Variants in CFAP20DC observed in about 807,000 individuals in gnomAD.
CFAP20DC encodes the protein CFAP20 domain containing.
Under a neutral mutation model 101.7 loss-of-function variants are expected in CFAP20DC, and 84 were observed. The ratio of observed to expected loss-of-function variants is 0.83; its 90% CI spans 0.69 to 0.99. CFAP20DC has a LOEUF of 0.99. Among genes scored for constraint, CFAP20DC ranks in the 50% least tolerant of loss-of-function variants. The pLI, the probability that CFAP20DC is intolerant of heterozygous loss-of-function variation, is 0.00. For synonymous variants in CFAP20DC, 359 were observed against 351.2 expected (o/e 1.02, Z -0.25); for missense variants, 1,007 against 970.3 (o/e 1.04, Z -0.50).
intron 14 of CFAP20DC, among the ~76,000 whole-genome samples, chr3:58,811,534 T>C (rs1205377735): frequency 1.3e-4 from 20 of 152,190 alleles, no homozygotes; most frequent in East Asian, 9.6e-4. Context: ...TCCTTCCTTA[T>C]ACCTTATAAA....
At chr3:58,842,427 A>G (rs1397091186) in intron 13 of CFAP20DC, among the ~76,000 whole-genome samples, 2 of 151,864 alleles carry the variant, frequency 1.3e-5, no homozygotes. Context: ...AAATCGGGTC[A>G]CTCCCACCCG....
chr3:58,910,181 T>C (rs1016698822), intron 6 of CFAP20DC, among the ~76,000 whole-genome samples: 2 of 152,140 alleles, frequency 1.3e-5, no homozygotes, highest in Non-Finnish European at 2.9e-5. Flanking sequence ...ATTAAGACTT[T>C]ACTTTTTTGG....
chr3:58,995,887 A>G (rs1333222519), intron 4 of CFAP20DC, among the ~76,000 whole-genome samples: 1 of 152,002 alleles, frequency 6.6e-6, no homozygotes, highest in African/African-American at 2.4e-5. Context: ...GGAACTATCT[A>G]TTGGTTCTTC....
At chr3:58,796,755 C>T (rs1297296691) in intron 15 of CFAP20DC, among the ~76,000 whole-genome samples, 2 of 152,172 alleles carry the variant, frequency 1.3e-5, no homozygotes, top group Non-Finnish European at 2.9e-5. Flanking sequence ...TTATGGCACC[C>T]TGTGTTGAGC....
At chr3:58,720,655 C>G (rs1274597447) in intron 3 of CFAP20DC, among the ~76,000 whole-genome samples, 1 of 152,168 alleles carries the variant, frequency 6.6e-6, no homozygotes, top group African/African-American at 2.4e-5. Flanking sequence ...GGAGGCATTC[C>G]CATGGCTAGG....
rs934130605 is a variant in CFAP20DC, at chr3:58,862,939, A to G, written c.1593+619T>C. On this transcript the variant is annotated intron_variant, in intron 12 of 16. Coordinates refer to ENST00000482387, the MANE Select transcript of CFAP20DC (RefSeq NM_001394063.1). ...TCCAAATTATATTCAGTTTGATTTG[A>G]AACATTTTAAAACTTTTTACGAATT... The G allele has an allele frequency of 1.2e-5, 12 of 970,516 alleles. No homozygotes were observed. In the African/African-American group the frequency reaches 1.9e-4, roughly 16 times the overall value. The allele number at this position is 970,516 out of a possible 1,614,324, so 60.1% of individuals were successfully genotyped here.
chr3:58,793,734 C>T (rs1326642079), intron 15 of CFAP20DC, among the ~76,000 whole-genome samples: 3 of 152,136 alleles, frequency 2.0e-5, no homozygotes, highest in African/African-American at 4.8e-5. Flanking sequence ...AATGTAGTTT[C>T]ATTACCATAA....
At chr3:58,935,747 C>T (rs1332603804) in intron 5 of CFAP20DC, among the ~76,000 whole-genome samples, 1 of 152,176 alleles carries the variant, frequency 6.6e-6, no homozygotes, top group East Asian at 1.9e-4. Context: ...TGGATCCCTT[C>T]CTTACATCTT....
chr3:58,812,197 AT>A (rs1335620192), intron 14 of CFAP20DC, among the ~76,000 whole-genome samples: 2 of 152,160 alleles, frequency 1.3e-5, no homozygotes, highest in East Asian at 3.8e-4. Context: ...CAGCCATCCC[AT>A]TACTGGGTAT....
chr3:58,861,666 C>G lies in CFAP20DC; in HGVS notation c.1593+1892G>C, dbSNP rs1325542033. On this transcript the variant is annotated intron_variant, in intron 12 of 16. Coordinates refer to ENST00000482387, the MANE Select transcript of CFAP20DC (RefSeq NM_001394063.1). This position sits in a 1 kb window ranked among gnomAD's most constrained non-coding sequence, Gnocchi z 4.0. ...TGTATCTCGTTAGTCTCTGTACCAG[C>G]AAACCCCAAAGCTTGATAATGTGGC... The G allele has an allele frequency of 1.0e-6, 1 of 985,306 alleles. No individual in the cohort carries two copies. Among genetic ancestry groups the G allele is most frequent in the Middle Eastern group, 5.2e-4 (1 of 1,936 alleles). 61.0% of individuals were successfully genotyped at this position (985,306 alleles called of 1,614,324 possible). A position where few individuals can be genotyped will look rare whatever the true frequency, so the allele number is the denominator to read the frequency against.
At chr3:58,915,952 C>T (rs936975382) in intron 5 of CFAP20DC, among the ~76,000 whole-genome samples, 1 of 152,060 alleles carries the variant, frequency 6.6e-6, no homozygotes, top group Non-Finnish European at 1.5e-5. Flanking sequence ...TCCCCTACTT[C>T]ATCCTCCCTG....
intron 4 of CFAP20DC, among the ~76,000 whole-genome samples, chr3:58,997,620 C>T (rs941166175): frequency 2.6e-5 from 4 of 152,184 alleles, no homozygotes; most frequent in Non-Finnish European, 4.4e-5. Context: ...ATGAAGCTCA[C>T]AACCTCATGG....
intron 15 of CFAP20DC, among the ~76,000 whole-genome samples, chr3:58,766,327 G>C (rs925645814): frequency 6.6e-6 from 1 of 152,156 alleles, no homozygotes; most frequent in African/African-American, 2.4e-5. Context: ...CTTAGTGAAA[G>C]GAACTGTGAA....
At chr3:58,945,785 C>A (rs913544764) in intron 4 of CFAP20DC, among the ~76,000 whole-genome samples, 1 of 151,670 alleles carries the variant, frequency 6.6e-6, no homozygotes, top group Non-Finnish European at 1.5e-5. Flanking sequence ...CAACCTCCGC[C>A]TCCCTGGTTC....
chr3:58,849,104 C>T lies in CFAP20DC; in HGVS notation c.1899G>A (p.Val633=), dbSNP rs558276096. 6.5e-7 allele frequency: 1 copy of T among 1,536,074 alleles called. No individual in the cohort carries two copies. The highest frequency in any genetic ancestry group is 8.7e-7 in the Non-Finnish European group (1 of 1,146,906). The change falls in exon 13 of 17, where the codon GTG becomes GTA. Residue 633 remains valine, a synonymous_variant. Coordinates refer to ENST00000482387, the MANE Select transcript of CFAP20DC (RefSeq NM_001394063.1). ...GGGAGGTTTTGTTTAGTGAAGCTGG[C>T]ACTTGCTGGGCTGATAGATCCTTCG... is the stretch of plus-strand genomic sequence containing the variant. ...IKAKDLSAQQ[V]PASLNKTSLK... is the part of the protein sequence containing the mutation.
At chr3:58,744,181 C>T (rs752693259) in intron 16 of CFAP20DC, among the ~76,000 whole-genome samples, 3 of 152,158 alleles carry the variant, frequency 2.0e-5, no homozygotes, top group Admixed American at 2.0e-4. Flanking sequence ...ATTTGGCCCT[C>T]ATGACCCTGT....
At chr3:59,034,097 G>A (rs2094048792) in intron 4 of CFAP20DC, among the ~76,000 whole-genome samples, 1 of 152,084 alleles carries the variant, frequency 6.6e-6, no homozygotes, top group Non-Finnish European at 1.5e-5. Flanking sequence ...GTCAAACTAA[G>A]CTTCATAAGC....
chr3:58,966,521 A>AAT (rs1219939419), intron 4 of CFAP20DC, among the ~76,000 whole-genome samples: 2 of 144,176 alleles, frequency 1.4e-5, no homozygotes, highest in Admixed American at 1.4e-4. Flanking sequence ...TATATATATA[A>AAT]ATATATATAT....
At chr3:58,764,626 T>C (rs1025952566) in intron 15 of CFAP20DC, among the ~76,000 whole-genome samples, 1 of 152,176 alleles carries the variant, frequency 6.6e-6, no homozygotes, top group Non-Finnish European at 1.5e-5. Context: ...CACTGGGAGC[T>C]GTAGACTGGA....
Sources: gnomAD v4.1 joint callset for allele counts (sites outside exome capture counted in the v4.1 genomes callset) on GRCh38, gnomAD v4.1.1 for gene constraint, Gnocchi (gnomAD v3.1) non-coding constraint, MANE v1.5 for transcripts, NCBI Gene and HGNC (gene_info 2026-07-23, HGNC 2026-07-21) for gene names.